The following ABCA5 variants were observed in gnomAD, a reference collection of about 807,000 sequenced individuals.
The protein encoded by ABCA5 is ATP binding cassette subfamily A member 5, also known as cholesterol transporter ABCA5.
In ABCA5, 163 loss-of-function variants were observed where a neutral mutation model predicts 206.0. That is an observed-to-expected ratio of 0.79 (90% CI 0.70 to 0.90). The LOEUF is 0.90. Ranked by LOEUF, ABCA5 falls within the 40% of genes least tolerant of loss-of-function variation. ABCA5 has a pLI of 0.00. For synonymous variants in ABCA5, 609 were observed against 613.8 expected (o/e 0.99, Z 0.11); for missense variants, 1,859 against 1,912.9 (o/e 0.97, Z 0.53).
chr17:69,296,730 C>T (rs143337789), intron 10 of ABCA5, among the ~76,000 whole-genome samples: 7,051 of 152,178 alleles, frequency 0.046, 199 homozygotes, highest in Non-Finnish European at 0.066. Flanking sequence ...TTTGGGAGGC[C>T]GAGGCAGGTG....
rs1306142764 is a variant in ABCA5, at chr17:69,285,949, C to T, written c.2221G>A (p.Asp741Asn). Reference protein sequence around the residue: ...IPGATLLQQNDQQLVYSLPFK... With the variant: ...IPGATLLQQNNQQLVYSLPFK... ...GGCAAGCTATACACAAGTTGTTGGT[C>T]ATTCTGTTGTAATAAAGTAGCTCCA... Residue 741 changes from aspartate to asparagine, a missense_variant, in exon 17 of 39, where the codon GAC becomes AAC. Asp to Asn is a conservative substitution (Grantham distance 23). Transcript: ENST00000392676. The T allele has an allele frequency of 2.5e-6, 4 of 1,613,120 alleles. No homozygotes were observed. In the African/African-American group the frequency reaches 4.0e-5, roughly 16 times the overall value.
chr17:69,311,885 T>C (rs914165553), intron 3 of ABCA5, among the ~76,000 whole-genome samples: 1 of 152,196 alleles, frequency 6.6e-6, no homozygotes, highest in Non-Finnish European at 1.5e-5. Flanking sequence ...GCTTGTACAC[T>C]AAATTCTCAT....
chr17:69,247,835 TAATA>T (rs1457038328), intron 38 of ABCA5, among the ~76,000 whole-genome samples, 191 bp from the exon 39 acceptor site: 10 of 152,082 alleles, frequency 6.6e-5, no homozygotes, highest in African/African-American at 1.9e-4. Flanking sequence ...TATTTTAGAT[TAATA>T]GATATGTTTT....
Position 69,250,610 on chromosome 17 carries a change from G to A in ABCA5, c.4547C>T (p.Thr1516Ile). 6.4e-7 allele frequency: 1 copy of A among 1,555,266 alleles called. No individual in the cohort carries two copies. The highest frequency in any genetic ancestry group is 8.6e-7 in the Non-Finnish European group (1 of 1,157,256). Residue 1516 changes from threonine to isoleucine, a missense_variant, in exon 36 of 39, where the codon ACA becomes ATA. Thr to Ile is a moderately conservative substitution (Grantham distance 89, BLOSUM62 -1). Coordinates refer to ENST00000392676, the MANE Select transcript of ABCA5 (RefSeq NM_172232.4). ...MVSGQLRCIG[T>I]VQHLKSKFGK... is the part of the protein sequence containing the mutation. ...AAATTTACTCTTTAGATGTTGTACT[G>A]TTCCGATACATCTGAAGTAATTTTT...
At position 69,313,312 on chromosome 17, in the gene ABCA5, C is replaced by G; in HGVS notation, c.103-16G>C. 2.5e-6 allele frequency: 3 copies of G among 1,198,684 alleles called. No individual in the cohort carries two copies. Among genetic ancestry groups the G allele is most frequent in the Non-Finnish European group, 3.5e-6 (3 of 857,352 alleles). 74.3% of individuals were successfully genotyped at this position (1,198,684 alleles called of 1,614,324 possible). On this transcript the variant is annotated splice_polypyrimidine_tract_variant and intron_variant, in intron 2 of 38. Coordinates refer to ENST00000392676, the MANE Select transcript of ABCA5 (RefSeq NM_172232.4). The stretch of plus-strand genomic sequence containing the variant: ...AAAGAATTTCCTACAATAAAAGAAA[C>G]AAAGTAATTACAAAGTATAACAATG...
At position 69,287,712 on chromosome 17, in the gene ABCA5, A is replaced by AG. The variant is rs1191968395; in HGVS notation, c.1941dup (p.Cys648LeufsTer28). 1.2e-6 allele frequency: 2 copies of AG among 1,613,792 alleles called. No homozygotes were observed. The highest frequency in any genetic ancestry group is 2.2e-5 in the South Asian group (2 of 91,022). ...AGATTCCATACAATATGTCGAGAAC[A>AG]GGGGTCCATTCCAGCTGTTGGTTCA... On this transcript the variant is annotated frameshift_variant, in exon 15 of 39. Coordinates refer to ENST00000392676, the MANE Select transcript of ABCA5 (RefSeq NM_172232.4). LOFTEE classifies it high-confidence loss of function.
intron 18 of ABCA5, among the ~76,000 whole-genome samples, chr17:69,282,753 C>CA (rs776552031): frequency 2.7e-5 from 3 of 112,856 alleles, no homozygotes; most frequent in Non-Finnish European, 5.2e-5. Flanking sequence ...GCCTGGGTGA[C>CA]AGAGCAAGAC....
chr17:69,304,792 TAGA>T lies in ABCA5; in HGVS notation c.804_806del (p.Leu269del), dbSNP rs2075699776. 6.2e-7 allele frequency: 1 copy of T among 1,600,848 alleles called. No individual in the cohort carries two copies. The highest frequency in any genetic ancestry group is 8.5e-7 in the Non-Finnish European group (1 of 1,174,418). ...ACATAAGAAAAATTAAACTTGTATA[TAGA>T]AGAACCCAGGAAAGCCTAAAATGAG... is the stretch of plus-strand genomic sequence containing the variant. On this transcript the variant is annotated inframe_deletion, in exon 7 of 39. Coordinates refer to ENST00000392676, the MANE Select transcript of ABCA5 (RefSeq NM_172232.4).
chr17:69,283,770 T>C (rs1296898003), intron 18 of ABCA5, among the ~76,000 whole-genome samples, 183 bp downstream of exon 18: 2 of 152,206 alleles, frequency 1.3e-5, no homozygotes, highest in South Asian at 4.1e-4. Flanking sequence ...CTAAGTTCGC[T>C]GCCTTCTAAG....
intron 35 of ABCA5, chr17:69,251,480 A>G (rs1012687587): frequency 6.3e-5 from 24 of 379,296 alleles, no homozygotes; most frequent in Non-Finnish European, 1.0e-4. Flanking sequence ...AATTAATCCA[A>G]TATATAACAA....
At chr17:69,304,562 C>G (rs2075696618) in intron 7 of ABCA5, 107 bp downstream of exon 7, 1 of 976,712 alleles carries the variant, frequency 1.0e-6, no homozygotes, top group Non-Finnish European at 1.4e-6. Context: ...TTAGTAAAAT[C>G]TGTCTTTCAT....
At chr17:69,283,831 CTTAT>C (rs1337828136) in intron 18 of ABCA5, 118 bp downstream of exon 18, 48 of 1,010,470 alleles carry the variant, frequency 4.8e-5, no homozygotes, top group Non-Finnish European at 6.4e-5. Flanking sequence ...TATCTCATTA[CTTAT>C]TTACTTATTT....
intron 24 of ABCA5, among the ~76,000 whole-genome samples, chr17:69,263,760 G>C (rs561865683): frequency 7.4e-6 from 1 of 134,888 alleles, no homozygotes; most frequent in East Asian, 2.2e-4. Context: ...GCAGTAGCAC[G>C]ATCTTGGCTC....
At chr17:69,303,797 TATATATATATACATAC>T (rs2075680065) in intron 7 of ABCA5, among the ~76,000 whole-genome samples, 1 of 6,532 alleles carries the variant, frequency 1.5e-4, no homozygotes, top group African/African-American at 1.7e-4. Context: ...TATATATATA[TATATATATATACATAC>T]ATATATATAT....
At chr17:69,294,288 T>G (rs1336628744) in intron 11 of ABCA5, among the ~76,000 whole-genome samples, 1 of 152,056 alleles carries the variant, frequency 6.6e-6, no homozygotes, top group African/African-American at 2.4e-5. Context: ...TTTAGGAGGC[T>G]GAGGCGGGCG....
chr17:69,253,964 G>A, intron 32 of ABCA5, 95 bp from the exon 33 acceptor site: 2 of 1,025,108 alleles, frequency 2.0e-6, no homozygotes, highest in Middle Eastern at 3.2e-4. Context: ...CTCTAGAATA[G>A]TTACTTAGTC....
chr17:69,318,584 A>AG, intron 1 of ABCA5: 1 of 237,498 alleles, frequency 4.2e-6, no homozygotes, highest in Non-Finnish European at 8.1e-6. Context: ...GTAAAAAAAA[A>AG]GCAATTAAAC....
Position 69,313,261 on chromosome 17 carries a change from T to C in ABCA5, c.138A>G (p.Leu46=), listed in dbSNP as rs775885528. 3 of 1,451,620 alleles carry C rather than the reference T, an allele frequency of 2.1e-6. No individual in the cohort carries two copies. In the South Asian group the frequency reaches 3.7e-5, roughly 18 times the overall value. The allele number at this position is 1,451,620 out of a possible 1,614,324, so 89.9% of individuals were successfully genotyped here. A position where few individuals can be genotyped will look rare whatever the true frequency, so the allele number is the denominator to read the frequency against. ...ILFPLFFLFW[L]ILISMMHPNK... The stretch of plus-strand genomic sequence containing the variant: ...TTGGATGCATCATGCTAATTAATAT[T>C]AACCAAAATAAAAAAAATAGTGGAA... Residue 46 remains leucine (L), a synonymous_variant, in exon 3 of 39, where the codon TTA becomes TTG. Coordinates refer to ENST00000392676, the MANE Select transcript of ABCA5 (RefSeq NM_172232.4).
intron 3 of ABCA5, 55 bp downstream of exon 3, chr17:69,313,037 A>T (rs1220677440): frequency 8.2e-7 from 1 of 1,217,832 alleles, no homozygotes; most frequent in Non-Finnish European, 1.1e-6. Flanking sequence ...GCAAGCTGAT[A>T]AATATTGAAA....
Sources: gnomAD v4.1 joint callset for allele counts (sites outside exome capture counted in the v4.1 genomes callset) on GRCh38, gnomAD v4.1.1 for gene constraint, MANE v1.5 for transcripts, NCBI Gene and HGNC (gene_info 2026-07-23, HGNC 2026-07-21) for gene names.